ZFHX3: variants seen among roughly 807,000 people sequenced by gnomAD.
ZFHX3 encodes the protein zinc finger homeobox 3, also known as zinc finger homeobox protein 3.
Under a neutral mutation model 279.1 loss-of-function variants are expected in ZFHX3, and 42 were observed. That is an observed-to-expected ratio of 0.15 (90% CI 0.12 to 0.19). The LOEUF (loss-of-function observed/expected upper bound fraction) is 0.19, where lower values mean the gene tolerates loss of function less well. Among genes scored for constraint, ZFHX3 ranks in the 10% least tolerant of loss-of-function variants. The probability of loss-of-function intolerance (pLI) is 1.00; values close to 1 mark genes in which losing one functional copy is unlikely to be tolerated. For synonymous variants in ZFHX3, 2,293 were observed against 1,957.8 expected, an observed-to-expected ratio of 1.17 and a Z score of -4.52; for missense variants, 4,981 against 4,754.0, an observed-to-expected ratio of 1.05 and a Z score of -1.40.
At chr16:73,401,256 A>T (rs1248968134) in intron 3 of ZFHX3, 1 of 152,020 alleles carries the variant, frequency 6.6e-6, no homozygotes, top group East Asian at 1.9e-4. Context: ...GCCCTCACAA[A>T]TGAAAGTGCT....
intron 3 of ZFHX3, among the ~76,000 whole-genome samples, chr16:73,372,304 G>T (rs2016644989): frequency 1.3e-5 from 2 of 152,020 alleles, no homozygotes; most frequent in Non-Finnish European, 2.9e-5. Context: ...TTTTTTAAGG[G>T]CAATAAAGGG....
intron 1 of ZFHX3, among the ~76,000 whole-genome samples, chr16:73,813,511 A>AT (rs1290408840): frequency 1.3e-5 from 2 of 152,170 alleles, no homozygotes; most frequent in Non-Finnish European, 2.9e-5. Flanking sequence ...ACAAAAAAAA[A>AT]GGAAAAAAAA....
chr16:73,225,165 T>A (rs2012554025), intron 5 of ZFHX3, among the ~76,000 whole-genome samples: 1 of 152,210 alleles, frequency 6.6e-6, no homozygotes, highest in Non-Finnish European at 1.5e-5. Flanking sequence ...GTCTTTCACA[T>A]CACCATGGGT....
chr16:73,430,817 C>T (rs1352160385), intron 3 of ZFHX3, among the ~76,000 whole-genome samples: 4 of 152,194 alleles, frequency 2.6e-5, no homozygotes, highest in Admixed American at 6.5e-5. Context: ...ATTTCTTAAT[C>T]GTTTCCATTT....
chr16:73,282,942 T>C (rs2014494363), intron 4 of ZFHX3, among the ~76,000 whole-genome samples: 1 of 152,248 alleles, frequency 6.6e-6, no homozygotes, highest in Non-Finnish European at 1.5e-5. Flanking sequence ...TCAGGCACTA[T>C]TCTTAATGTT....
intron 2 of ZFHX3, among the ~76,000 whole-genome samples, chr16:73,668,990 T>C (rs1268044691): frequency 6.6e-6 from 1 of 152,080 alleles, no homozygotes; most frequent in Non-Finnish European, 1.5e-5. Flanking sequence ...GAAGACAGTG[T>C]GATCTTTGTA....
At chr16:73,773,342 T>C (rs2054040813) in intron 1 of ZFHX3, among the ~76,000 whole-genome samples, 2 of 152,188 alleles carry the variant, frequency 1.3e-5, no homozygotes, top group Admixed American at 6.5e-5. Flanking sequence ...GCAGTAGTTC[T>C]CCCCATCCCT....
chr16:72,957,700 C>G lies in ZFHX3; in HGVS notation c.2446G>C (p.Ala816Pro), dbSNP rs761351322. ...CEVCDYETNV[A>P]RNLRIHMTSE... ...GTCATGTGAATGCGGAGGTTCCTGG[C>G]CACGTTGGTCTCATAATCACACACC... The change falls in exon 2 of 10, where the codon GCC (alanine) becomes CCC (proline). Residue 816 changes from alanine to proline, a missense_variant. Around this residue, in one of 7 missense-constraint regions of ZFHX3, gnomAD observed 1,751 missense variants for 1,770.0 expected, o/e 0.99. Coordinates refer to ENST00000268489, the MANE Select transcript of ZFHX3 (RefSeq NM_006885.4). 5 of 1,614,158 alleles carry G rather than the reference C, an allele frequency of 3.1e-6. No homozygotes were observed. Among genetic ancestry groups the G allele is most frequent in the Non-Finnish European group, 4.2e-6 (5 of 1,180,042 alleles).
chr16:73,117,275 G>C (rs898334108), intron 7 of ZFHX3, among the ~76,000 whole-genome samples: 1 of 151,700 alleles, frequency 6.6e-6, no homozygotes, highest in African/African-American at 2.4e-5. Context: ...TGTAACCCAT[G>C]TAGTGGCCAT....
rs1221932292 is a variant in ZFHX3 at position 73,249,945 on chromosome 16, G to C, written c.-1104+7102C>G. Among the ~76,000 whole-genome samples, 2 of 152,120 alleles carry C rather than the reference G, an allele frequency of 1.3e-5. 1 individual carries two copies. Among genetic ancestry groups the C allele is most frequent in the East Asian group, 3.9e-4 (2 of 5,186 alleles). On this transcript the variant is annotated intron_variant, in intron 5 of 17. Transcript: ENST00000641206. ...AACTACCACCTTGGCCAACATTGAA[G>C]TCTCACAATAACAAGTGTCAGCATG...
intron 3 of ZFHX3, among the ~76,000 whole-genome samples, chr16:73,406,034 G>C (rs1271920424): frequency 6.6e-6 from 1 of 152,254 alleles, no homozygotes; most frequent in Admixed American, 6.5e-5. Flanking sequence ...GCACACGCCG[G>C]GTAGAGGGAA....
At chr16:73,589,719 G>C (rs1480848975) in intron 2 of ZFHX3, among the ~76,000 whole-genome samples, 5 of 97,370 alleles carry the variant, frequency 5.1e-5, no homozygotes, top group African/African-American at 1.9e-4. Flanking sequence ...GGGTGACAGA[G>C]CGAGACTCCG....
chr16:73,064,271 G>C (rs897473182), upstream of ZFHX3, among the ~76,000 whole-genome samples: 2 of 152,010 alleles, frequency 1.3e-5, no homozygotes, highest in Non-Finnish European at 2.9e-5. Context: ...GGGAGGTTCC[G>C]CGACGCCCTC....
intron 5 of ZFHX3, among the ~76,000 whole-genome samples, chr16:73,167,435 C>T (rs1296712635): frequency 6.6e-6 from 1 of 152,096 alleles, no homozygotes; most frequent in African/African-American, 2.4e-5. Context: ...TTAATATGTG[C>T]GATTGAGTGA....
intron 2 of ZFHX3, among the ~76,000 whole-genome samples, chr16:73,602,735 A>G (rs1040574546): frequency 6.6e-6 from 1 of 151,972 alleles, no homozygotes; most frequent in Non-Finnish European, 1.5e-5. Context: ...TCACGAGGTC[A>G]GGAGTTCAAG....
At chr16:73,242,207 A>G (rs1008279112) in intron 5 of ZFHX3, among the ~76,000 whole-genome samples, 1 of 152,172 alleles carries the variant, frequency 6.6e-6, no homozygotes, top group South Asian at 2.1e-4. Context: ...GTGGGGTCCA[A>G]CCAGCACAAG....
intron 1 of ZFHX3, among the ~76,000 whole-genome samples, chr16:73,680,709 T>C (rs577719550): frequency 6.6e-6 from 1 of 152,332 alleles, no homozygotes; most frequent in Admixed American, 6.5e-5. Flanking sequence ...AGGATGAAAC[T>C]GAATGGTGGG....
intron 3 of ZFHX3, among the ~76,000 whole-genome samples, chr16:73,406,746 T>G (rs779095174): frequency 2.0e-5 from 3 of 152,248 alleles, no homozygotes; most frequent in Non-Finnish European, 4.4e-5. Context: ...GATGGTCTAT[T>G]TCAGGTCAAT....
intron 1 of ZFHX3, among the ~76,000 whole-genome samples, chr16:73,749,683 G>C (rs1567397498): frequency 6.6e-6 from 1 of 152,140 alleles, no homozygotes; most frequent in East Asian, 1.9e-4. Context: ...GAAGAGAAAA[G>C]GCAGGACACC....
Sources: gnomAD v4.1 joint callset for allele counts (sites outside exome capture counted in the v4.1 genomes callset) on GRCh38, gnomAD v4.1.1 for gene constraint, gnomAD v4.1.1 regional missense constraint, MANE v1.5 for transcripts, NCBI Gene and HGNC (gene_info 2026-07-23, HGNC 2026-07-21) for gene names.